Variants in THBD observed in about 807,000 individuals in gnomAD.
The protein encoded by THBD is thrombomodulin.
For missense variants in THBD, 850 were observed against 816.9 expected (o/e 1.04, Z -0.49); for synonymous variants, 449 against 374.2 (o/e 1.20, Z -2.31).
Position 23,048,925 on chromosome 20 carries a change from C to T in THBD, c.580G>A (p.Gly194Ser). ...GCTCCGCGGGCCGCGAACGGGGTGC[C>T]GTAGGTGATCGAGACGGCGGCAGCC... ...AAAAAVSITY[G>S]TPFAARGADF... is the part of the protein sequence containing the mutation. Residue 194 changes from glycine (G) to serine (S), a missense_variant, in exon 1 of 1, where the codon GGC (glycine) becomes AGC (serine). By Grantham distance (56) the Gly-to-Ser change is moderately conservative. Coordinates refer to ENST00000377103, the MANE Select transcript of THBD (RefSeq NM_000361.3). The T allele has an allele frequency of 6.5e-7, 1 of 1,535,708 alleles. No homozygotes were observed. Among genetic ancestry groups the T allele is most frequent in the South Asian group, 1.2e-5 (1 of 84,056 alleles).
chr20:23,049,040 C>T lies in THBD; in HGVS notation c.465G>A (p.Glu155=), dbSNP rs1159087775. Residue 155 remains glutamate, a synonymous_variant, in exon 1 of 1, where the codon GAG becomes GAA. Coordinates refer to ENST00000377103, the MANE Select transcript of THBD (RefSeq NM_000361.3). ...CATCGGCCTTCACTTCGCACTGCTGCTCCTCCCAGATCGGCTCGCTGGGCA... is the reference window on the plus strand; with the variant it reads ...CATCGGCCTTCACTTCGCACTGCTGTTCCTCCCAGATCGGCTCGCTGGGCA... ...ATVPSEPIWE[E]QQCEVKADGF... 10 of 1,577,362 alleles carry T rather than the reference C, an allele frequency of 6.3e-6. No homozygotes were observed. Among genetic ancestry groups the T allele is most frequent in the Non-Finnish European group, 7.8e-6 (9 of 1,160,192 alleles).
rs1305908365 is a variant in THBD at position 23,046,570 on chromosome 20, T to C, written c.*1207A>G. On this transcript the variant is annotated 3_prime_UTR_variant, in exon 1 of 1. Transcript: ENST00000377103. ...AAAGGCCTCTCTGAAATGGTAGAAATTCTCTGAGGACCTGATTAAGGCTAG... is the reference window on the plus strand; with the variant it reads ...AAAGGCCTCTCTGAAATGGTAGAAACTCTCTGAGGACCTGATTAAGGCTAG... 1 of 152,204 alleles carries C rather than the reference T, an allele frequency of 6.6e-6. No individual in the cohort carries two copies. The highest frequency in any genetic ancestry group is 1.5e-5 in the Non-Finnish European group (1 of 68,032). The allele number at this position is 152,204 out of a possible 1,614,324, so 9.4% of individuals were successfully genotyped here.
Position 23,048,601 on chromosome 20 carries a change from G to T in THBD, c.904C>A (p.Gln302Lys), listed in dbSNP as rs762313482. 2.5e-6 allele frequency: 4 copies of T among 1,598,492 alleles called. No individual in the cohort carries two copies. The highest frequency in any genetic ancestry group is 2.5e-6 in the Non-Finnish European group (3 of 1,179,528). Residue 302 changes from glutamine to lysine, a missense_variant, in exon 1 of 1, where the codon CAG (glutamine) becomes AAG (lysine). Gln to Lys is a moderately conservative substitution (Grantham distance 53, BLOSUM62 1). Transcript: ENST00000377103. ...CACATGCACGAGTAGGAGCCCGGCT[G>T]GTCGGGGTTGGGAACGCAGAAGTGC... Reference protein sequence around the residue: ...CEHFCVPNPDQPGSYSCMCET... With the variant: ...CEHFCVPNPDKPGSYSCMCET...
In THBD at chr20:23,049,353, A is replaced by T. The variant is rs757057829; in HGVS notation, c.152T>A (p.Ile51Asn). 1 of 1,606,130 alleles carries T rather than the reference A, an allele frequency of 6.2e-7. No homozygotes were observed. Among genetic ancestry groups the T allele is most frequent in the Admixed American group, 1.7e-5 (1 of 59,344 alleles). The change falls in exon 1 of 1, where the codon ATC (isoleucine) becomes AAC (asparagine). Residue 51 changes from isoleucine (I) to asparagine (N), a missense_variant. Coordinates refer to ENST00000377103, the MANE Select transcript of THBD (RefSeq NM_000361.3). ...TAGGTGGCCCCGCAGTCCGTCGCAG[A>T]TCTGACTGGCATTGAGGAAGGTCGC... ...GPATFLNASQ[I>N]CDGLRGHLMT...
At position 23,049,287 on chromosome 20, in the gene THBD, A is replaced by G. The variant is rs886938231; in HGVS notation, c.218T>C (p.Leu73Ser). The change falls in exon 1 of 1, where the codon TTG (leucine) becomes TCG (serine). Residue 73 changes from leucine to serine, a missense_variant. Transcript: ENST00000377103. The stretch of plus-strand genomic sequence containing the variant: ...AACGCCGCCGTCGCCGTTCAGTAGC[A>G]AGGAAATGACATCGGCAGCCACCGA... ...RSSVAADVIS[L>S]LLNGDGGVGR... 5 of 1,551,948 alleles carry G rather than the reference A, an allele frequency of 3.2e-6. No individual in the cohort carries two copies. Among genetic ancestry groups the G allele is most frequent in the Admixed American group, 1.9e-5 (1 of 53,012 alleles).
rs757422951 is a variant in THBD at position 23,049,428 on chromosome 20, C to A, written c.77G>T (p.Gly26Val). Residue 26 changes from glycine (G) to valine (V), a missense_variant, in exon 1 of 1, where the codon GGT (glycine) becomes GTT (valine). Coordinates refer to ENST00000377103, the MANE Select transcript of THBD (RefSeq NM_000361.3). ...GTCGTGCTCGACGCACTGGCTGCCA[C>A]CCGGCTGCGGCTCTGCGGGTGCGGG... ...GFPAPAEPQPGGSQCVEHDCF... is the reference protein window; with the variant it reads ...GFPAPAEPQPVGSQCVEHDCF... The A allele has an allele frequency of 6.4e-7, 1 of 1,570,052 alleles. No individual in the cohort carries two copies. The highest frequency in any genetic ancestry group is 8.6e-7 in the Non-Finnish European group (1 of 1,158,768).
Position 23,048,525 on chromosome 20 carries a change from T to G in THBD, c.980A>C (p.Asp327Ala), listed in dbSNP as rs1984641941. Residue 327 changes from aspartate (D) to alanine (A), a missense_variant, in exon 1 of 1, where the codon GAT becomes GCT. By Grantham distance (126) the Asp-to-Ala change is moderately radical. Transcript: ENST00000377103. ...AADQHRCEDV[D>A]DCILEPSPCP... is the part of the protein sequence containing the mutation. ...CGGACTGGGCTCCAGTATGCAGTCATCCACGTCCTCGCACCGGTGTTGGTC... is the reference window on the plus strand; with the variant it reads ...CGGACTGGGCTCCAGTATGCAGTCAGCCACGTCCTCGCACCGGTGTTGGTC... The G allele has an allele frequency of 6.2e-7, 1 of 1,603,498 alleles. No homozygotes were observed. Among genetic ancestry groups the G allele is most frequent in the Non-Finnish European group, 8.5e-7 (1 of 1,179,964 alleles).
chr20:23,048,133 G>T lies in THBD; in HGVS notation c.1372C>A (p.Leu458Ile), dbSNP rs1013876326. The change falls in exon 1 of 1, where the codon CTC becomes ATC. Residue 458 changes from leucine (L) to isoleucine (I), a missense_variant. Physicochemically the swap from Leu to Ile is conservative, Grantham distance 5. Transcript: ENST00000377103. ...CAGATGCACTCGAAGGTACCGGGGA[G>T]GTTGTGGCACACCCCGGAGCAGAAG... ...GGFCSGVCHN[L>I]PGTFECICGP... is the part of the protein sequence containing the mutation. 2 of 1,613,696 alleles carry T rather than the reference G, an allele frequency of 1.2e-6. No individual in the cohort carries two copies. Among genetic ancestry groups the T allele is most frequent in the East Asian group, 2.2e-5 (1 of 44,874 alleles).
At position 23,046,101 on chromosome 20, in the gene THBD, G is replaced by A. The variant is rs1019273242; in HGVS notation, c.*1676C>T. On this transcript the variant is annotated 3_prime_UTR_variant, in exon 1 of 1. Transcript: ENST00000377103. ...ATAAATAACTATGTACAAATATTTT[G>A]AGTTTACAAAATAGAAGAGGAAAAC... The A allele has an allele frequency of 6.6e-6, 1 of 152,406 alleles. No homozygotes were observed. Among genetic ancestry groups the A allele is most frequent in the Non-Finnish European group, 1.5e-5 (1 of 68,024 alleles). 9.4% of individuals were successfully genotyped at this position (152,406 alleles called of 1,614,324 possible). A position where few individuals can be genotyped will look rare whatever the true frequency, so the allele number is the denominator to read the frequency against.
In THBD at chr20:23,048,138, T is replaced by C. The variant is rs2122669527; in HGVS notation, c.1367A>G (p.His456Arg). 6.2e-7 allele frequency: 1 copy of C among 1,613,668 alleles called. No homozygotes were observed. Among genetic ancestry groups the C allele is most frequent in the Non-Finnish European group, 8.5e-7 (1 of 1,180,028 alleles). The change falls in exon 1 of 1, where the codon CAC becomes CGC. Residue 456 changes from histidine (H) to arginine (R), a missense_variant. Coordinates refer to ENST00000377103, the MANE Select transcript of THBD (RefSeq NM_000361.3). ...ENGGFCSGVC[H>R]NLPGTFECIC... ...GCACTCGAAGGTACCGGGGAGGTTG[T>C]GGCACACCCCGGAGCAGAAGCCGCC...
chr20:23,047,913 G>A lies in THBD; in HGVS notation c.1592C>T (p.Ala531Val), dbSNP rs756102720. The A allele has an allele frequency of 1.9e-5, 30 of 1,609,538 alleles. No individual in the cohort carries two copies. The highest frequency in any genetic ancestry group is 1.6e-4 in the Middle Eastern group (1 of 6,080). The change falls in exon 1 of 1, where the codon GCG (alanine) becomes GTG (valine). Residue 531 changes from alanine (A) to valine (V), a missense_variant. Ala to Val is a moderately conservative substitution (Grantham distance 64, BLOSUM62 0). Transcript: ENST00000377103. ...ISIASLCLVV[A>V]LLALLCHLRK... ...CAGGTGGCAGAGGAGCGCCAAAAGC[G>A]CCACCACCAGGCACAGGCTCGCGAT...
rs1324581919 is a variant in THBD at position 23,049,298 on chromosome 20, A to G, written c.207T>C (p.Asp69=). The change falls in exon 1 of 1, where the codon GAT becomes GAC. Residue 69 remains aspartate (D), a synonymous_variant. Transcript: ENST00000377103. The stretch of plus-strand genomic sequence containing the variant: ...CGCCGTTCAGTAGCAAGGAAATGAC[A>G]TCGGCAGCCACCGAGGAGCGCACTG... ...LMTVRSSVAA[D]VISLLLNGDG... The G allele has an allele frequency of 7.6e-6, 12 of 1,584,662 alleles. No individual in the cohort carries two copies. The South Asian group carries it at 1.4e-4, about 18-fold the overall frequency.
In THBD at chr20:23,048,976, G is replaced by T; in HGVS notation, c.529C>A (p.Pro177Thr). Residue 177 changes from proline to threonine, a missense_variant, in exon 1 of 1, where the codon CCA (proline) becomes ACA (threonine). Physicochemically the swap from Pro to Thr is conservative, Grantham distance 38. Coordinates refer to ENST00000377103, the MANE Select transcript of THBD (RefSeq NM_000361.3). ...GCGGCGCCGGGCTCCACAGCCAGTG[G>T]CCTGCAGGTGGCTGGGAAGTGGAAC... ...CEFHFPATCRPLAVEPGAAAA... is the reference protein window; with the variant it reads ...CEFHFPATCRTLAVEPGAAAA... 6.4e-7 allele frequency: 1 copy of T among 1,563,368 alleles called. No homozygotes were observed.
At position 23,048,663 on chromosome 20, in the gene THBD, G is replaced by A. The variant is rs540961320; in HGVS notation, c.842C>T (p.Thr281Ile). Residue 281 changes from threonine (T) to isoleucine (I), a missense_variant, in exon 1 of 1, where the codon ACC becomes ATC. Physicochemically the swap from Thr to Ile is moderately conservative, Grantham distance 89 (BLOSUM62 -1). Transcript: ENST00000377103. ...GTTGCAGGACTGCGTCGCGGATGCG[G>A]TGCAGGAGCGCCCGTCTGCCTGCAG... is the stretch of plus-strand genomic sequence containing the variant. ...AALQADGRSCTASATQSCNDL... is the reference protein window; with the variant it reads ...AALQADGRSCIASATQSCNDL... 3.1e-6 allele frequency: 5 copies of A among 1,589,792 alleles called. No individual in the cohort carries two copies. The South Asian group carries it at 5.5e-5, about 18-fold the overall frequency.
rs1456326286 is a variant in THBD, at chr20:23,048,828, G to T, written c.677C>A (p.Ala226Glu). 10 of 1,514,988 alleles carry T rather than the reference G, an allele frequency of 6.6e-6. No individual in the cohort carries two copies. The highest frequency in any genetic ancestry group is 1.4e-5 in the African/African-American group (1 of 72,228). 93.8% of individuals were successfully genotyped at this position (1,514,988 alleles called of 1,614,324 possible). ...APLGLQLMCT[A>E]PPGAVQGHWA... ...GTGCCCCTGGACCGCTCCGGGCGGC[G>T]CGGTGCACATTAGCTGTAAGCCGAG... is the stretch of plus-strand genomic sequence containing the variant. Residue 226 changes from alanine to glutamate, a missense_variant, in exon 1 of 1, where the codon GCG becomes GAG. By Grantham distance (107) the Ala-to-Glu change is moderately radical. Transcript: ENST00000377103.
Position 23,049,458 on chromosome 20 carries a change from C to A in THBD, c.47G>T (p.Gly16Val). The A allele has an allele frequency of 1.3e-6, 2 of 1,551,658 alleles. No individual in the cohort carries two copies. The highest frequency in any genetic ancestry group is 1.2e-5 in the South Asian group (1 of 84,656). Residue 16 changes from glycine (G) to valine (V), a missense_variant, in exon 1 of 1, where the codon GGG (glycine) becomes GTG (valine). Transcript: ENST00000377103. ...VLGALALAGLGFPAPAEPQPG... is the reference protein window; with the variant it reads ...VLGALALAGLVFPAPAEPQPG... ...CTGCGGCTCTGCGGGTGCGGGGAAC[C>A]CCAGGCCGGCCAGGGCCAGCGCGCC...
chr20:23,048,743 G>T lies in THBD; in HGVS notation c.762C>A (p.His254Gln). 13 of 1,568,568 alleles carry T rather than the reference G, an allele frequency of 8.3e-6. No homozygotes were observed. The highest frequency in any genetic ancestry group is 1.1e-5 in the South Asian group (1 of 87,452). The change falls in exon 1 of 1, where the codon CAC (histidine) becomes CAA (glutamine). Residue 254 changes from histidine (H) to glutamine (Q), a missense_variant. Physicochemically the swap from His to Gln is conservative, Grantham distance 24. Coordinates refer to ENST00000377103, the MANE Select transcript of THBD (RefSeq NM_000361.3). ...DCSVENGGCE[H>Q]ACNAIPGAPR... ...GAGCCCCAGGGATCGCATTGCACGCGTGCTCGCAGCCGCCGTTCTCCACGC... is the reference window on the plus strand; with the variant it reads ...GAGCCCCAGGGATCGCATTGCACGCTTGCTCGCAGCCGCCGTTCTCCACGC...
chr20:23,049,251 C>T lies in THBD; in HGVS notation c.254G>A (p.Arg85His), dbSNP rs1462083784. ...LNGDGGVGRR[R>H]LWIGLQLPPG... ...TGGCAGCTGCAGGCCGATCCAGAGG[C>T]GCCGGCGGCCAACGCCGCCGTCGCC... The change falls in exon 1 of 1, where the codon CGC (arginine) becomes CAC (histidine). Residue 85 changes from arginine (R) to histidine (H), a missense_variant. Arg to His is a conservative substitution (Grantham distance 29). Coordinates refer to ENST00000377103, the MANE Select transcript of THBD (RefSeq NM_000361.3). 3.9e-6 allele frequency: 6 copies of T among 1,544,580 alleles called. No individual in the cohort carries two copies. The East Asian group carries it at 1.5e-4, about 37-fold the overall frequency.
Position 23,048,560 on chromosome 20 carries a change from C to T in THBD, c.945G>A (p.Arg315=), listed in dbSNP as rs1244951477. The T allele has an allele frequency of 6.3e-7, 1 of 1,599,762 alleles. No individual in the cohort carries two copies. Among genetic ancestry groups the T allele is most frequent in the Non-Finnish European group, 8.5e-7 (1 of 1,179,702 alleles). ...CGCACCGGTGTTGGTCGGCCGCCAG[C>T]CGGTAGCCGGTCTCGCACATGCACG... ...SYSCMCETGY[R]LAADQHRCED... is the part of the protein sequence containing the mutation. The change falls in exon 1 of 1, where the codon CGG becomes CGA. Residue 315 remains arginine (R), a synonymous_variant. Transcript: ENST00000377103.
Sources: gnomAD v4.1 joint callset for allele counts on GRCh38, gnomAD v4.1.1 for gene constraint, MANE v1.5 for transcripts, NCBI Gene and HGNC (gene_info 2026-07-23, HGNC 2026-07-21) for gene names.